LANCL2: variants seen among roughly 807,000 people sequenced by gnomAD.
LANCL2 encodes the protein lanC-like protein 2.
Under a neutral mutation model 56.9 loss-of-function variants are expected in LANCL2, and 33 were observed. The observed-to-expected ratio is 0.58, with a 90% CI of 0.44 to 0.78. LANCL2 has a LOEUF of 0.78. LANCL2 is among the 30% of genes least tolerant of loss of function. The pLI, the probability that LANCL2 is intolerant of heterozygous loss-of-function variation, is 0.00. For missense variants in LANCL2, 562 were observed against 580.2 expected, an observed-to-expected ratio of 0.97 and a Z score of 0.32; for synonymous variants, 233 against 228.2, an observed-to-expected ratio of 1.02 and a Z score of -0.19.
chr7:55,403,362 A>G (rs1388271019), intron 5 of LANCL2, among the ~76,000 whole-genome samples: 1 of 152,010 alleles, frequency 6.6e-6, no homozygotes, highest in East Asian at 1.9e-4. Flanking sequence ...AGAATCAGGC[A>G]GGGAGGTTGC....
chr7:55,428,415 G>A lies in LANCL2; in HGVS notation c.1226G>A (p.Arg409His), dbSNP rs747357433. ...WCLDYGAHGC[R>H]IPDRPYSLFE... ...CTAGATTACGGAGCACACGGGTGCCGCATTCCTGACAGACCCTATTCGCTC... is the reference window on the plus strand; with the variant it reads ...CTAGATTACGGAGCACACGGGTGCCACATTCCTGACAGACCCTATTCGCTC... Residue 409 changes from arginine to histidine, a missense_variant, in exon 8 of 9, where the codon CGC becomes CAC. This residue lies in a region of LANCL2 where 378 missense variants were observed against 468.4 expected (regional missense o/e 0.81). Coordinates refer to ENST00000254770, the MANE Select transcript of LANCL2 (RefSeq NM_018697.4). The A allele has an allele frequency of 1.4e-5, 23 of 1,613,934 alleles. No individual in the cohort carries two copies. The highest frequency in any genetic ancestry group is 2.7e-5 in the African/African-American group (2 of 74,932).
chr7:55,405,439 A>G (rs1050172038), intron 5 of LANCL2, among the ~76,000 whole-genome samples: 26 of 151,596 alleles, frequency 1.7e-4, no homozygotes, highest in African/African-American at 5.6e-4. Context: ...ATTATCTATC[A>G]TAGTGTATTC....
At chr7:55,416,059 G>A (rs1790535843) in intron 6 of LANCL2, among the ~76,000 whole-genome samples, 1 of 152,154 alleles carries the variant, frequency 6.6e-6, no homozygotes, top group Non-Finnish European at 1.5e-5. Context: ...GGATCGGAGG[G>A]TAGGTGTATG....
intron 5 of LANCL2, among the ~76,000 whole-genome samples, chr7:55,405,155 C>G (rs1790390582): frequency 1.3e-5 from 2 of 151,786 alleles, no homozygotes. Context: ...GGCTGTAACT[C>G]CACTCCGAGT....
chr7:55,426,465 T>C (rs815976), intron 7 of LANCL2, among the ~76,000 whole-genome samples: 2 of 152,318 alleles, frequency 1.3e-5, no homozygotes, highest in South Asian at 4.1e-4. Flanking sequence ...GCGGCTGATA[T>C]GTTCTTTATA....
chr7:55,418,674 T>C (rs768736209), intron 6 of LANCL2, among the ~76,000 whole-genome samples: 2 of 152,240 alleles, frequency 1.3e-5, no homozygotes, highest in Middle Eastern at 6.3e-3. Context: ...TAGTATAATA[T>C]TGAATAGAAG....
At position 55,366,503 on chromosome 7, in the gene LANCL2, C is replaced by T. The variant is rs149416898; in HGVS notation, c.204+274C>T. 1.4e-3 allele frequency among the ~76,000 whole-genome samples: 217 copies of T among 152,338 alleles called. No individual in the cohort carries two copies. The South Asian group carries it at 0.014, about 10-fold the overall frequency. ...GCGCTTTCCTTCTTGGCCCGAGCGG[C>T]GCTTCGCAATGCGGGCTTGTGCACT... On this transcript the variant is annotated intron_variant, in intron 1 of 8. Transcript: ENST00000254770.
chr7:55,392,988 T>C (rs1447892931), intron 2 of LANCL2, among the ~76,000 whole-genome samples: 1 of 152,194 alleles, frequency 6.6e-6, no homozygotes, highest in African/African-American at 2.4e-5. Context: ...TTTTTATTTT[T>C]ATTTTAATGA....
intron 2 of LANCL2, among the ~76,000 whole-genome samples, chr7:55,396,656 T>A (rs1562862404): frequency 6.6e-6 from 1 of 152,038 alleles, no homozygotes. Context: ...CCAGCTCCTT[T>A]TACCTAGTGC....
Position 55,433,380 on chromosome 7 carries a change from T to C in LANCL2, c.*2060T>C, listed in dbSNP as rs1790754722. The stretch of plus-strand genomic sequence containing the variant: ...GGTTGACACCTTCCTACTTATCCAC[T>C]AGATGTCATCAGAGGTGCTGTTCCG... On this transcript the variant is annotated 3_prime_UTR_variant, in exon 9 of 9. Transcript: ENST00000254770. 1 of 152,226 alleles carries C rather than the reference T, an allele frequency of 6.6e-6. No individual in the cohort carries two copies. Among genetic ancestry groups the C allele is most frequent in the African/African-American group, 2.4e-5 (1 of 41,462 alleles). 9.4% of individuals were successfully genotyped at this position (152,226 alleles called of 1,614,324 possible). A position where few individuals can be genotyped will look rare whatever the true frequency, so the allele number is the denominator to read the frequency against.
intron 4 of LANCL2, 70 bp from the exon 5 acceptor site, chr7:55,401,104 A>T: frequency 7.5e-7 from 1 of 1,336,904 alleles, no homozygotes; most frequent in South Asian, 1.3e-5. Flanking sequence ...TATATATGAC[A>T]TACTGTTAAT....
At chr7:55,415,621 C>CTTTTTTTTGTTTTTTTTTTTTT (rs1790527798) in intron 6 of LANCL2, among the ~76,000 whole-genome samples, 1 of 111,770 alleles carries the variant, frequency 8.9e-6, no homozygotes. Context: ...GTTTTTCTTT[C>CTTTTTTTTGTTTTTTTTTTTTT]TTTTTTTTGA....
chr7:55,366,194 G>C lies in LANCL2; in HGVS notation c.169G>C (p.Asp57His). 1 of 1,547,348 alleles carries C rather than the reference G, an allele frequency of 6.5e-7. No individual in the cohort carries two copies. Among genetic ancestry groups the C allele is most frequent in the Non-Finnish European group, 8.7e-7 (1 of 1,143,892 alleles). ...CTGTGTTCGTCCCCCGGCGACCACG[G>C]ATGAGCCCGGCCTCCCTTTTCATCA... is the stretch of plus-strand genomic sequence containing the variant. ...TGCVRPPATT[D>H]EPGLPFHQDG... Residue 57 changes from aspartate to histidine, a missense_variant, in exon 1 of 9, where the codon GAT becomes CAT. Transcript: ENST00000254770.
intron 1 of LANCL2, among the ~76,000 whole-genome samples, chr7:55,385,633 A>G (rs1287147283): frequency 6.6e-6 from 1 of 152,212 alleles, no homozygotes; most frequent in African/African-American, 2.4e-5. Context: ...AGGTAATAGA[A>G]TATCACAAGG....
intron 6 of LANCL2, among the ~76,000 whole-genome samples, chr7:55,415,913 C>T (rs1352603180): frequency 6.6e-6 from 1 of 152,098 alleles, no homozygotes; most frequent in Non-Finnish European, 1.5e-5. Flanking sequence ...CTGTGTCCGG[C>T]CAGTTTATCA....
intron 5 of LANCL2, among the ~76,000 whole-genome samples, chr7:55,407,276 TC>T (rs1790418904): frequency 6.6e-6 from 1 of 152,122 alleles, no homozygotes; most frequent in Admixed American, 6.6e-5. Context: ...GTGTCCATGG[TC>T]CAGGGTGAGA....
At chr7:55,402,778 C>A (rs1226712240) in intron 5 of LANCL2, among the ~76,000 whole-genome samples, 3 of 124,272 alleles carry the variant, frequency 2.4e-5, no homozygotes, top group Non-Finnish European at 5.3e-5. Flanking sequence ...GGTTGCCGGG[C>A]GGAGGGTCTC....
At position 55,365,773 on chromosome 7, in the gene LANCL2, C is replaced by T. The variant is rs1368426960; in HGVS notation, c.-253C>T. ...GCGCTCCCGCGAGCCCGCTCCTCTC[C>T]GTCGGGAGCAGGGCAAAGGCGCCAG... On this transcript the variant is annotated 5_prime_UTR_variant, in exon 1 of 9. Transcript: ENST00000254770. 2.7e-6 allele frequency: 1 copy of T among 364,766 alleles called. No homozygotes were observed. The highest frequency in any genetic ancestry group is 2.1e-5 in the African/African-American group (1 of 47,730). 22.6% of individuals were successfully genotyped at this position (364,766 alleles called of 1,614,324 possible). A position where few individuals can be genotyped will look rare whatever the true frequency, so the allele number is the denominator to read the frequency against.
intron 1 of LANCL2, among the ~76,000 whole-genome samples, chr7:55,387,503 C>T (rs1259996736): frequency 1.3e-5 from 2 of 150,762 alleles, no homozygotes; most frequent in Non-Finnish European, 2.9e-5. Flanking sequence ...ACACAGCAAA[C>T]GTTGAACTTC....
Sources: gnomAD v4.1 joint callset for allele counts (sites outside exome capture counted in the v4.1 genomes callset) on GRCh38, gnomAD v4.1.1 for gene constraint, gnomAD v4.1.1 regional missense constraint, MANE v1.5 for transcripts, NCBI Gene and HGNC (gene_info 2026-07-23, HGNC 2026-07-21) for gene names.